ZFHX2: variants seen among roughly 807,000 people sequenced by gnomAD.
ZFHX2 encodes the protein zinc finger homeobox protein 2.
A neutral mutation model predicts 164.8 loss-of-function variants in ZFHX2; 75 were observed. The observed-to-expected ratio is 0.46, with a 90% CI of 0.38 to 0.55. ZFHX2 has a LOEUF of 0.55. Ranked by LOEUF, ZFHX2 falls within the 20% of genes least tolerant of loss-of-function variation. The pLI is 0.00. For synonymous variants in ZFHX2, 1,217 were observed against 1,351.4 expected (o/e 0.90, Z 2.18); for missense variants, 2,933 against 3,308.0 (o/e 0.89, Z 2.78).
chr14:23,548,552 G>A (rs1056611942), intron 1 of ZFHX2: 15 of 152,224 alleles, frequency 9.9e-5, no homozygotes, highest in African/African-American at 3.6e-4. Context: ...TCAGAGGCTT[G>A]AGGTCTTTGG....
At chr14:23,540,539 G>A (rs1880688188) in intron 1 of ZFHX2, among the ~76,000 whole-genome samples, 2 of 152,158 alleles carry the variant, frequency 1.3e-5, no homozygotes, top group African/African-American at 4.8e-5. Flanking sequence ...CTAGTATGGA[G>A]GATTGTTTGG....
intron 1 of ZFHX2, among the ~76,000 whole-genome samples, chr14:23,544,854 C>T (rs949120267): frequency 6.6e-6 from 1 of 152,170 alleles, no homozygotes; most frequent in African/African-American, 2.4e-5. Flanking sequence ...CTCCATTCCA[C>T]TTCTCCTTCT....
chr14:23,547,721 T>TA (rs1881535763), intron 1 of ZFHX2, among the ~76,000 whole-genome samples: 1 of 152,166 alleles, frequency 6.6e-6, no homozygotes, highest in Admixed American at 6.5e-5. Flanking sequence ...AATGTAGACT[T>TA]AGGTGGGGGG....
Position 23,533,658 on chromosome 14 carries a change from G to A in ZFHX2, c.1668C>T (p.Pro556=). 1 of 1,537,368 alleles carries A rather than the reference G, an allele frequency of 6.5e-7. No individual in the cohort carries two copies. The highest frequency in any genetic ancestry group is 2.4e-5 in the East Asian group (1 of 40,930). The part of the protein sequence containing the change: ...QGSPPEASLP[P]SAGDKEPKTK... ...TCTTAGGCTCTTTGTCTCCCGCGGA[G>A]GGTGGGAGTGATGCCTCTGGTGGAC... is the stretch of plus-strand genomic sequence containing the variant. The change falls in exon 2 of 10, where the codon CCC becomes CCT. Residue 556 remains proline, a synonymous_variant. Coordinates refer to ENST00000419474, the MANE Select transcript of ZFHX2 (RefSeq NM_033400.3). This position sits in a 1 kb window ranked among gnomAD's most constrained non-coding sequence, Gnocchi z 4.8.
chr14:23,524,162 G>A lies in ZFHX2; in HGVS notation c.5780C>T (p.Pro1927Leu), dbSNP rs954279311. The A allele has an allele frequency of 3.3e-6, 5 of 1,535,912 alleles. No homozygotes were observed. In the African/African-American group the frequency reaches 6.9e-5, roughly 21 times the overall value. The change falls in exon 9 of 10, where the codon CCA (proline) becomes CTA (leucine). Residue 1927 changes from proline (P) to leucine (L), a missense_variant. Physicochemically the swap from Pro to Leu is moderately conservative, Grantham distance 98. Coordinates refer to ENST00000419474, the MANE Select transcript of ZFHX2 (RefSeq NM_033400.3). This position sits in a 1 kb window ranked among gnomAD's most constrained non-coding sequence, Gnocchi z 5.6. ...GGCTGTGGCAGGCGGTTTCACTGCT[G>A]GACTAGGCACCCCCCCAGGGGTGCT... ...FRSTPGGVPS[P>L]AVKPPATATP...
At position 23,522,344 on chromosome 14, in the gene ZFHX2, T is replaced by A. The variant is rs1250013696; in HGVS notation, c.7337A>T (p.Asp2446Val). 2 of 1,535,344 alleles carry A rather than the reference T, an allele frequency of 1.3e-6. No individual in the cohort carries two copies. Among genetic ancestry groups the A allele is most frequent in the South Asian group, 1.2e-5 (1 of 83,986 alleles). Residue 2446 changes from aspartate to valine, a missense_variant, in exon 10 of 10, where the codon GAT becomes GTT. Physicochemically the swap from Asp to Val is radical, Grantham distance 152 (BLOSUM62 -3). Coordinates refer to ENST00000419474, the MANE Select transcript of ZFHX2 (RefSeq NM_033400.3). Reference protein sequence around the residue: ...LTGSTGISTVDVTHRYLCRQC... With the variant: ...LTGSTGISTVVVTHRYLCRQC... Reference sequence around the variant, plus strand: ...GCGGCACAGGTAGCGATGGGTTACATCCACGGTGGAGATGCCAGTGCTGCC... The same window carrying A: ...GCGGCACAGGTAGCGATGGGTTACAACCACGGTGGAGATGCCAGTGCTGCC...
chr14:23,550,190 G>C (rs969766266), intron 1 of ZFHX2, among the ~76,000 whole-genome samples: 3 of 152,216 alleles, frequency 2.0e-5, no homozygotes, highest in Non-Finnish European at 4.4e-5. Flanking sequence ...AGTCAACAAT[G>C]CTAGGAAGTT....
At chr14:23,528,772 C>G (rs1879121639) in intron 6 of ZFHX2, 1 of 985,350 alleles carries the variant, frequency 1.0e-6, no homozygotes, top group Non-Finnish European at 1.2e-6. Flanking sequence ...TGGCCCAGCC[C>G]TCTCAGCACA....
In ZFHX2 at chr14:23,526,863, G is replaced by T; in HGVS notation, c.3246C>A (p.Ser1082Arg). The T allele has an allele frequency of 6.5e-7, 1 of 1,531,898 alleles. No homozygotes were observed. The highest frequency in any genetic ancestry group is 8.7e-7 in the Non-Finnish European group (1 of 1,144,986). The allele number at this position is 1,531,898 out of a possible 1,614,324, so 94.9% of individuals were successfully genotyped here. A position where few individuals can be genotyped will look rare whatever the true frequency, so the allele number is the denominator to read the frequency against. The change falls in exon 8 of 10, where the codon AGC becomes AGA. Residue 1082 changes from serine (S) to arginine (R), a missense_variant. Coordinates refer to ENST00000419474, the MANE Select transcript of ZFHX2 (RefSeq NM_033400.3). Reference sequence around the variant, plus strand: ...ATTCCTTACCTGCTGCCTGGTCTCTGCTCGGTGTAGGCTCTGGCCCATGAG... The same window carrying T: ...ATTCCTTACCTGCTGCCTGGTCTCTTCTCGGTGTAGGCTCTGGCCCATGAG... ...PPTHGPEPTP[S>R]RDQAAEGPNL... is the part of the protein sequence containing the mutation.
Position 23,529,631 on chromosome 14 carries a change from C to T in ZFHX2, c.2934+79G>A, listed in dbSNP as rs546828607. ...AATAAGTCAAAGCATGACAAAATTA[C>T]GTCTGCCTTTAGAATATGAGCAGAT... is the stretch of plus-strand genomic sequence containing the variant. On this transcript the variant is annotated intron_variant, in intron 6 of 9. Coordinates refer to ENST00000419474, the MANE Select transcript of ZFHX2 (RefSeq NM_033400.3). 2.7e-4 allele frequency: 357 copies of T among 1,332,638 alleles called. 9 individuals are homozygous for T. The South Asian group carries it at 3.7e-3, about 14-fold the overall frequency. 82.6% of individuals were successfully genotyped at this position (1,332,638 alleles called of 1,614,324 possible). A position where few individuals can be genotyped will look rare whatever the true frequency, so the allele number is the denominator to read the frequency against.
At chr14:23,530,522 A>G in intron 4 of ZFHX2, 1 of 535,836 alleles carries the variant, frequency 1.9e-6, no homozygotes, top group Non-Finnish European at 3.5e-6. Context: ...GGGAAGCCCC[A>G]GAGAAATGTA....
rs945034427 is a variant in ZFHX2, at chr14:23,546,437, G to C, written c.-50+4906C>G. Among the ~76,000 whole-genome samples the C allele has an allele frequency of 6.6e-6, 1 of 152,150 alleles. No individual in the cohort carries two copies. Among genetic ancestry groups the C allele is most frequent in the East Asian group, 1.9e-4 (1 of 5,190 alleles). On this transcript the variant is annotated intron_variant, in intron 1 of 9. Transcript: ENST00000419474. This position sits in a 1 kb window ranked among gnomAD's most constrained non-coding sequence, Gnocchi z 4.7. ...AGGTGTATGCAGCCCCCATGCCAGT[G>C]GTACAGCTTGGTGACAGGACTGTGG... is the stretch of plus-strand genomic sequence containing the variant.
chr14:23,529,187 T>C (rs1338955949), intron 6 of ZFHX2, among the ~76,000 whole-genome samples: 6 of 152,222 alleles, frequency 3.9e-5, no homozygotes, highest in Non-Finnish European at 7.3e-5. Context: ...TCCTGGGTGC[T>C]GCCTAGGTCT....
chr14:23,527,896 C>A (rs1030159237), intron 6 of ZFHX2, 92 bp from the exon 7 acceptor site: 29 of 1,074,882 alleles, frequency 2.7e-5, no homozygotes, highest in South Asian at 3.4e-5. Context: ...GGCCCGCCCC[C>A]ACTCCTTTTT....
rs560728702 is a variant in ZFHX2, at chr14:23,522,926, G to A, written c.6755C>T (p.Ser2252Leu). The A allele has an allele frequency of 2.1e-6, 3 of 1,447,982 alleles. No individual in the cohort carries two copies. The highest frequency in any genetic ancestry group is 1.4e-5 in the South Asian group (1 of 69,460). The allele number at this position is 1,447,982 out of a possible 1,614,324, so 89.7% of individuals were successfully genotyped here. A position where few individuals can be genotyped will look rare whatever the true frequency, so the allele number is the denominator to read the frequency against. Residue 2252 changes from serine (S) to leucine (L), a missense_variant, in exon 10 of 10, where the codon TCA (serine) becomes TTA (leucine). Coordinates refer to ENST00000419474, the MANE Select transcript of ZFHX2 (RefSeq NM_033400.3). ...APFNSGPAASSGLLGLATSVL... is the reference protein window; with the variant it reads ...APFNSGPAASLGLLGLATSVL... ...CGAAGTGGCGAGGCCGAGGAGGCCT[G>A]AGGAGGCTGCCGGGCCTAGAAAGGT...
rs780545806 is a variant in ZFHX2 at position 23,534,241 on chromosome 14, T to C, written c.1085A>G (p.Glu362Gly). 7.6e-5 allele frequency: 116 copies of C among 1,522,752 alleles called. No homozygotes were observed. The highest frequency in any genetic ancestry group is 7.5e-5 in the Non-Finnish European group (86 of 1,139,208). 94.3% of individuals were successfully genotyped at this position (1,522,752 alleles called of 1,614,324 possible). ...TGCCTCGCCTGCTGCTACTGGCGAT[T>C]CTTTGGCTTGGGTTGGGCTGGGGTC... ...TWDPSPTQAK[E>G]SPVAAGEAGP... Residue 362 changes from glutamate (E) to glycine (G), a missense_variant, in exon 2 of 10, where the codon GAA (glutamate) becomes GGA (glycine). Coordinates refer to ENST00000419474, the MANE Select transcript of ZFHX2 (RefSeq NM_033400.3). The surrounding 1 kb of genome is among the most constrained non-coding windows in gnomAD (Gnocchi z 4.5).
intron 6 of ZFHX2, 112 bp downstream of exon 6, chr14:23,529,598 C>G: frequency 1.8e-6 from 2 of 1,100,002 alleles, no homozygotes; most frequent in Non-Finnish European, 2.7e-6. Context: ...CTGTGCTATT[C>G]TGAGTGAAAT....
rs1441980522 is a variant in ZFHX2 at position 23,535,053 on chromosome 14, C to T, written c.273G>A (p.Gly91=). 1 of 1,536,156 alleles carries T rather than the reference C, an allele frequency of 6.5e-7. No individual in the cohort carries two copies. The highest frequency in any genetic ancestry group is 8.7e-7 in the Non-Finnish European group (1 of 1,146,934). ...CCTCCTGCTCCTTGTCCTTTTCCAC[C>T]CCTGGGTCATTTGGTGGGAAGTGAC... ...DCGHFPPNDP[G]VEKDKEQEEE... Residue 91 remains glycine (G), a synonymous_variant, in exon 2 of 10, where the codon GGG becomes GGA. Coordinates refer to ENST00000419474, the MANE Select transcript of ZFHX2 (RefSeq NM_033400.3). The surrounding 1 kb of genome is among the most constrained non-coding windows in gnomAD (Gnocchi z 4.5).
chr14:23,544,842 T>G (rs9652284), intron 1 of ZFHX2, among the ~76,000 whole-genome samples: 3,721 of 152,192 alleles, frequency 0.024, 124 homozygotes, highest in African/African-American at 0.084. Context: ...GGCTCGCCAT[T>G]TCTCCATTCC....
Sources: gnomAD v4.1 joint callset for allele counts (sites outside exome capture counted in the v4.1 genomes callset) on GRCh38, gnomAD v4.1.1 for gene constraint, Gnocchi (gnomAD v3.1) non-coding constraint, MANE v1.5 for transcripts, NCBI Gene and HGNC (gene_info 2026-07-23, HGNC 2026-07-21) for gene names.